Variants in AMBP observed in about 807,000 individuals in gnomAD.
The protein encoded by AMBP is protein AMBP.
In AMBP, 37 loss-of-function variants were observed where a neutral mutation model predicts 46.3. That is an observed-to-expected ratio of 0.80 (90% CI 0.61 to 1.05). The LOEUF (loss-of-function observed/expected upper bound fraction) is 1.05. Ranked by LOEUF, AMBP falls within the 50% of genes least tolerant of loss-of-function variation. The probability of loss-of-function intolerance (pLI) is 0.00; values close to 1 mark genes in which losing one functional copy is unlikely to be tolerated. For synonymous variants in AMBP, 174 were observed against 175.9 expected (o/e 0.99, Z 0.09); for missense variants, 475 against 461.2 (o/e 1.03, Z -0.27).
Position 114,060,932 on chromosome 9 carries a change from A to G in AMBP, c.1020T>C (p.Pro340=). 6.2e-7 allele frequency: 1 copy of G among 1,613,352 alleles called. No homozygotes were observed. Among genetic ancestry groups the G allele is most frequent in the Middle Eastern group, 1.7e-4 (1 of 6,052 alleles). Residue 340 remains proline, a synonymous_variant, in exon 9 of 10, where the codon CCT becomes CCC. Coordinates refer to ENST00000265132, the MANE Select transcript of AMBP (RefSeq NM_001633.4). ...CCCTGCAGGGCTGCCTACCATCACC[A>G]GGGACACCGCAGTACTCTCTGCACT... ...EKECREYCGV[P]GDGDEELLRF... is the part of the protein sequence containing the mutation.
chr9:114,077,372 C>T (rs936830818), intron 1 of AMBP: 1 of 152,790 alleles, frequency 6.5e-6, no homozygotes, highest in Admixed American at 6.5e-5. Flanking sequence ...CATGACACCA[C>T]AGCTAGAAGG....
chr9:114,061,075 G>A lies in AMBP; in HGVS notation c.877C>T (p.Arg293Trp), dbSNP rs780641166. Residue 293 changes from arginine (R) to tryptophan (W), a missense_variant, in exon 9 of 10, where the codon CGG becomes TGG. This residue lies in a region of AMBP where 293 missense variants were observed against 276.9 expected (regional missense o/e 1.06). Transcript: ENST00000265132. ...TGGATGAAGGCTCGGCAGGGGCCCC[G>A]GACTATGGGGAGATTGCAGGCCGCT... ...TVAACNLPIV[R>W]GPCRAFIQLW... The A allele has an allele frequency of 1.4e-5, 23 of 1,614,050 alleles. 1 individual carries two copies. Among genetic ancestry groups the A allele is most frequent in the South Asian group, 3.3e-5 (3 of 91,076 alleles).
intron 5 of AMBP, among the ~76,000 whole-genome samples, chr9:114,072,372 T>A (rs1588490854): frequency 6.6e-6 from 1 of 152,200 alleles, no homozygotes; most frequent in African/African-American, 2.4e-5. Context: ...CAGCAGCCAG[T>A]ATGTTTGACT....
intron 9 of AMBP, 48 bp downstream of exon 9, chr9:114,060,877 A>G: frequency 6.3e-7 from 1 of 1,581,616 alleles, no homozygotes; most frequent in Non-Finnish European, 8.6e-7. Context: ...TCCCACCTCG[A>G]CTCCAACAGC....
chr9:114,076,222 G>A (rs1049931099), intron 2 of AMBP, among the ~76,000 whole-genome samples: 3 of 151,960 alleles, frequency 2.0e-5, no homozygotes, highest in Admixed American at 6.5e-5. Flanking sequence ...TGGTGGCAGT[G>A]GAGAGGGGAG....
At chr9:114,071,032 C>T (rs1258263178) in intron 5 of AMBP, among the ~76,000 whole-genome samples, 1 of 152,194 alleles carries the variant, frequency 6.6e-6, no homozygotes, top group African/African-American at 2.4e-5. Context: ...CAAGGGCCCA[C>T]AGCCCCTGCC....
intron 6 of AMBP, among the ~76,000 whole-genome samples, chr9:114,068,996 G>A (rs181158695): frequency 1.3e-5 from 2 of 151,684 alleles, no homozygotes; most frequent in Non-Finnish European, 2.9e-5. Context: ...GTCTTTTGTG[G>A]GGGGTTTATA....
chr9:114,074,175 C>T, intron 3 of AMBP, 23 bp from the exon 4 acceptor site: 1 of 1,591,158 alleles, frequency 6.3e-7, no homozygotes, highest in Middle Eastern at 1.7e-4. Flanking sequence ...TGCAGGCAGA[C>T]CAAAGGGATC....
At position 114,061,022 on chromosome 9, in the gene AMBP, C is replaced by T. The variant is rs780611612; in HGVS notation, c.930G>A (p.Gly310=). 2 of 1,614,126 alleles carry T rather than the reference C, an allele frequency of 1.2e-6. No individual in the cohort carries two copies. The highest frequency in any genetic ancestry group is 2.7e-5 in the African/African-American group (2 of 74,952). The part of the protein sequence containing the change: ...IQLWAFDAVK[G]KCVLFPYGGC... ...CCCCGTAGGGGAAGAGGACGCACTT[C>T]CCCTTGACAGCATCAAATGCCCAGA... The change falls in exon 9 of 10, where the codon GGG becomes GGA. Residue 310 remains glycine (G), a synonymous_variant. Transcript: ENST00000265132.
rs771742302 is a variant in AMBP at position 114,060,270 on chromosome 9, C to T, written c.1028G>A (p.Gly343Asp). 6.8e-6 allele frequency: 11 copies of T among 1,613,326 alleles called. No homozygotes were observed. In the East Asian group the frequency reaches 2.2e-4, roughly 33 times the overall value. Residue 343 changes from glycine to aspartate, a missense_variant and splice_region_variant, in exon 10 of 10, where the codon GGT becomes GAT. Physicochemically the swap from Gly to Asp is moderately conservative, Grantham distance 94. Coordinates refer to ENST00000265132, the MANE Select transcript of AMBP (RefSeq NM_001633.4). Reference protein sequence around the residue: ...CREYCGVPGDGDEELLRFSN With the variant: ...CREYCGVPGDDDEELLRFSN ...GGAGAAGCGCAGCAGCTCCTCATCA[C>T]CTGTGGACACAGAGAGACTCAGGGA...
Position 114,072,918 on chromosome 9 carries a change from T to G in AMBP, c.556+7A>C. 1 of 1,613,356 alleles carries G rather than the reference T, an allele frequency of 6.2e-7. No individual in the cohort carries two copies. ...ACAGGAATTTGAGGCGGAGGGGTGC[T>G]ATGTACCTCGGTCAGCCATGGTGAA... is the stretch of plus-strand genomic sequence containing the variant. On this transcript the variant is annotated splice_region_variant and intron_variant, in intron 5 of 9. Transcript: ENST00000265132.
chr9:114,078,093 C>T lies in AMBP; in HGVS notation c.117G>A (p.Arg39=), dbSNP rs1846833833. 1 of 1,613,908 alleles carries T rather than the reference C, an allele frequency of 6.2e-7. No individual in the cohort carries two copies. The highest frequency in any genetic ancestry group is 1.3e-5 in the African/African-American group (1 of 74,930). ...CTACCACAGAGAGCGGCAGCCTTACCCGAGAGATATTGAAGTTTTCCTGCA... is the reference window on the plus strand; with the variant it reads ...CTACCACAGAGAGCGGCAGCCTTACTCGAGAGATATTGAAGTTTTCCTGCA... ...IQVQENFNIS[R]IYGKWYNLAI... is the part of the protein sequence containing the mutation. Residue 39 remains arginine (R), a splice_region_variant and synonymous_variant, in exon 1 of 10, where the codon CGG becomes CGA. Transcript: ENST00000265132.
intron 6 of AMBP, among the ~76,000 whole-genome samples, chr9:114,063,122 CAG>C (rs1161781354): frequency 6.6e-5 from 10 of 151,824 alleles, no homozygotes. Context: ...TGTTGCACAA[CAG>C]AGCACAGGTG....
chr9:114,071,967 C>G (rs1488834411), intron 5 of AMBP, among the ~76,000 whole-genome samples: 1 of 152,186 alleles, frequency 6.6e-6, no homozygotes, highest in Non-Finnish European at 1.5e-5. Flanking sequence ...CCAAGCTGTT[C>G]TATTGCTCAG....
chr9:114,061,950 C>G (rs977172900), intron 7 of AMBP, among the ~76,000 whole-genome samples: 2 of 152,104 alleles, frequency 1.3e-5, no homozygotes, highest in African/African-American at 4.8e-5. Context: ...TTCACCAAGT[C>G]CCACCCACCC....
chr9:114,074,632 C>CTTAG (rs141637054), intron 3 of AMBP, among the ~76,000 whole-genome samples: 3,487 of 152,332 alleles, frequency 0.023, 49 homozygotes, highest in East Asian at 0.063. Flanking sequence ...CCCTCTCTCA[C>CTTAG]TTAGCATCAT....
intron 5 of AMBP, among the ~76,000 whole-genome samples, chr9:114,070,262 G>A (rs1224911300): frequency 1.3e-5 from 2 of 152,188 alleles, no homozygotes; most frequent in Non-Finnish European, 2.9e-5. Flanking sequence ...CACGAGCACT[G>A]GTGGTAGCAG....
intron 1 of AMBP, 27 bp downstream of exon 1, chr9:114,078,066 C>A (rs369385777): frequency 9.4e-5 from 151 of 1,612,672 alleles, no homozygotes; most frequent in Admixed American, 2.3e-4. Context: ...ACCACATCCA[C>A]CCTACCACAG....
At position 114,078,215 on chromosome 9, in the gene AMBP, T is replaced by C. The variant is rs759559964; in HGVS notation, c.-6A>G. 1.2e-5 allele frequency: 19 copies of C among 1,611,180 alleles called. No homozygotes were observed. Among genetic ancestry groups the C allele is most frequent in the Non-Finnish European group, 1.5e-5 (18 of 1,179,634 alleles). The stretch of plus-strand genomic sequence containing the variant: ...AGGGCCCCGAGGCTCCTCATGGCTA[T>C]GGGCTCCTCTGCCTTGGTATATCCC... On this transcript the variant is annotated 5_prime_UTR_variant, in exon 1 of 10. Transcript: ENST00000265132.
Sources: allele counts gnomAD v4.1 joint callset (sites outside exome capture counted in the v4.1 genomes callset), GRCh38; gene constraint gnomAD v4.1.1; regional missense constraint gnomAD v4.1.1; transcripts MANE v1.5; gene names NCBI Gene and HGNC (gene_info 2026-07-23, HGNC 2026-07-21).